Variants in RALYL observed in about 807,000 individuals in gnomAD.
The protein encoded by RALYL is RALY RNA binding protein like.
A neutral mutation model predicts 35.1 loss-of-function variants in RALYL; 29 were observed. That is an observed-to-expected ratio of 0.83 (90% CI 0.61 to 1.13). The LOEUF is 1.13. RALYL is among the 50% of genes most tolerant of loss of function. RALYL has a pLI of 0.00. For missense variants in RALYL, 359 were observed against 360.4 expected (o/e 1.00, Z 0.03); for synonymous variants, 120 against 127.6 (o/e 0.94, Z 0.40).
At chr8:84,751,407 C>T (rs1415972811) in intron 2 of RALYL, among the ~76,000 whole-genome samples, 1 of 151,936 alleles carries the variant, frequency 6.6e-6, no homozygotes, top group East Asian at 1.9e-4. Context: ...GGGGTTTCAC[C>T]ATGTTGGCCA....
chr8:84,497,667 A>T (rs2056205215), intron 1 of RALYL, among the ~76,000 whole-genome samples: 1 of 134,772 alleles, frequency 7.4e-6, no homozygotes, highest in African/African-American at 2.9e-5. Flanking sequence ...TTTGAGAGAC[A>T]GTCTCACTCT....
intron 1 of RALYL, among the ~76,000 whole-genome samples, chr8:84,208,691 C>A (rs563036849): frequency 1.3e-5 from 2 of 152,198 alleles, no homozygotes; most frequent in East Asian, 3.9e-4. Flanking sequence ...AGAAATGATG[C>A]CAAATTTTTT....
Position 84,915,476 on chromosome 8 carries a change from T to C in RALYL, c.859-5418T>C, listed in dbSNP as rs370724296. ...TACTCTCTAGATTTTTGGCTTAATA[T>C]TAATAAATAGTTCAGTCATTTAGCT... On this transcript the variant is annotated intron_variant, in intron 8 of 8. Transcript: ENST00000521268. Among the ~76,000 whole-genome samples, 118 of 152,258 alleles carry C rather than the reference T, an allele frequency of 7.7e-4. 1 individual carries two copies. Among genetic ancestry groups the C allele is most frequent in the African/African-American group, 2.8e-3 (115 of 41,568 alleles).
intron 2 of RALYL, among the ~76,000 whole-genome samples, chr8:84,769,884 T>C (rs1043086956): frequency 6.6e-6 from 1 of 152,222 alleles, no homozygotes; most frequent in South Asian, 2.1e-4. Flanking sequence ...TTATGAGGAA[T>C]AATGCTGTAA....
intron 1 of RALYL, among the ~76,000 whole-genome samples, chr8:84,209,125 CAAAAAAAA>C (rs60246316): frequency 1.8e-4 from 18 of 97,538 alleles, no homozygotes; most frequent in African/African-American, 6.9e-4. Context: ...ACTCCTCCAC[CAAAAAAAA>C]AAAAAAAAAA....
At chr8:84,350,170 C>A (rs767149429) in intron 1 of RALYL, among the ~76,000 whole-genome samples, 2 of 150,378 alleles carry the variant, frequency 1.3e-5, no homozygotes, top group African/African-American at 4.9e-5. Flanking sequence ...AGACACTGGG[C>A]AGCCCCATGT....
At chr8:84,721,022 G>A (rs1490991274) in intron 2 of RALYL, among the ~76,000 whole-genome samples, 1 of 151,788 alleles carries the variant, frequency 6.6e-6, no homozygotes, top group Non-Finnish European at 1.5e-5. Context: ...AGGGAAGTGG[G>A]AATGCAAACT....
chr8:84,288,590 ATTG>A (rs946914548), intron 1 of RALYL, among the ~76,000 whole-genome samples: 58 of 144,288 alleles, frequency 4.0e-4, no homozygotes, highest in Middle Eastern at 3.5e-3. Context: ...GTTGCATATT[ATTG>A]TTCTATTAAA....
chr8:84,818,129 G>C (rs531218158), intron 4 of RALYL, among the ~76,000 whole-genome samples: 12 of 152,060 alleles, frequency 7.9e-5, no homozygotes, highest in Non-Finnish European at 1.5e-4. Flanking sequence ...CACTGAGGAA[G>C]AGAGACAAGA....
chr8:84,869,385 TA>T (rs1284452841), intron 6 of RALYL, among the ~76,000 whole-genome samples: 1 of 36,588 alleles, frequency 2.7e-5, no homozygotes, highest in Non-Finnish European at 4.4e-5. Flanking sequence ...AAATAATGTA[TA>T]ATGGCTGGGG....
chr8:84,419,694 C>T (rs2045241004), intron 1 of RALYL, among the ~76,000 whole-genome samples: 1 of 112,042 alleles, frequency 8.9e-6, no homozygotes, highest in Non-Finnish European at 1.7e-5. Flanking sequence ...TGTCCCTCCC[C>T]CCTCCCCCCA....
At chr8:84,725,409 G>C (rs1844758430) in intron 2 of RALYL, among the ~76,000 whole-genome samples, 1 of 151,562 alleles carries the variant, frequency 6.6e-6, no homozygotes, top group South Asian at 2.1e-4. Flanking sequence ...AGTTTACCAA[G>C]GAAAAAGGAA....
chr8:84,539,789 G>T (rs2059864431), intron 2 of RALYL, among the ~76,000 whole-genome samples: 1 of 147,362 alleles, frequency 6.8e-6, no homozygotes, highest in Admixed American at 6.8e-5. Context: ...TTTTTTAACT[G>T]CCCTGAAATG....
chr8:84,783,869 G>A lies in RALYL; in HGVS notation c.332+9215G>A, dbSNP rs1397594719. On this transcript the variant is annotated intron_variant, in intron 3 of 8. Coordinates refer to ENST00000521268, the MANE Select transcript of RALYL (RefSeq NM_173848.7). ...CTGTTTTTAATTTGTATTTGTCCTT[G>A]GAAGCACAAGGAAGAAAAATCAAGG... Among the ~76,000 whole-genome samples, 3 of 152,154 alleles carry A rather than the reference G, an allele frequency of 2.0e-5. No homozygotes were observed. In the East Asian group the frequency reaches 5.8e-4, roughly 29 times the overall value.
intron 1 of RALYL, among the ~76,000 whole-genome samples, chr8:84,509,934 A>G (rs2057471472): frequency 1.3e-5 from 2 of 152,190 alleles, no homozygotes; most frequent in Middle Eastern, 6.8e-3. Context: ...TTGAGTCTCA[A>G]AGTTGGGTTG....
chr8:84,559,793 A>C (rs2061363001), intron 2 of RALYL, among the ~76,000 whole-genome samples: 1 of 151,992 alleles, frequency 6.6e-6, no homozygotes, highest in South Asian at 2.1e-4. Context: ...TGAGCATTTC[A>C]TATAGATAAA....
intron 1 of RALYL, among the ~76,000 whole-genome samples, chr8:84,244,002 T>C (rs1182778689): frequency 2.0e-5 from 3 of 152,208 alleles, no homozygotes; most frequent in African/African-American, 7.2e-5. Context: ...CTTGTCTTTC[T>C]CCTCTTCATT....
intron 8 of RALYL, among the ~76,000 whole-genome samples, chr8:84,891,895 A>G (rs890328744): frequency 6.6e-6 from 1 of 152,206 alleles, no homozygotes; most frequent in African/African-American, 2.4e-5. Flanking sequence ...CAAAGATACA[A>G]TATAATTAGA....
chr8:84,763,243 G>A (rs560076353), intron 2 of RALYL, among the ~76,000 whole-genome samples: 30 of 152,236 alleles, frequency 2.0e-4, no homozygotes, highest in African/African-American at 6.7e-4. Context: ...AACAAGAAAA[G>A]AAATACCAAA....
Sources: allele counts gnomAD v4.1 joint callset (sites outside exome capture counted in the v4.1 genomes callset), GRCh38; gene constraint gnomAD v4.1.1; transcripts MANE v1.5; gene names NCBI Gene and HGNC (gene_info 2026-07-23, HGNC 2026-07-21).